Variants in SOX5 observed in about 807,000 individuals in gnomAD.
SOX5 encodes SRY-box transcription factor 5, also known as transcription factor SOX-5.
A neutral mutation model predicts 92.0 loss-of-function variants in SOX5; 9 were observed. That is an observed-to-expected ratio of 0.10 (90% CI 0.06 to 0.17). The LOEUF is 0.17. SOX5 is among the 10% of genes least tolerant of loss of function. The pLI, the probability that SOX5 is intolerant of heterozygous loss-of-function variation, is 1.00. For missense variants in SOX5, 642 were observed against 944.5 expected (o/e 0.68, Z 4.20); for synonymous variants, 344 against 336.3 (o/e 1.02, Z -0.25).
intron 1 of SOX5, among the ~76,000 whole-genome samples, chr12:24,428,380 G>A (rs1258301023): frequency 6.6e-6 from 1 of 151,962 alleles, no homozygotes; most frequent in African/African-American, 2.4e-5. Flanking sequence ...TAAATTCAAT[G>A]TGCCAACTAG....
chr12:24,354,107 A>C (rs554649321), intron 2 of SOX5, among the ~76,000 whole-genome samples: 1 of 152,204 alleles, frequency 6.6e-6, no homozygotes, highest in Admixed American at 6.5e-5. Context: ...GAAATTATAG[A>C]CTGTGAAAAA....
chr12:23,843,594 C>A (rs112452184), intron 3 of SOX5, among the ~76,000 whole-genome samples: 1 of 115,624 alleles, frequency 8.6e-6, no homozygotes, highest in Non-Finnish European at 1.7e-5. Context: ...GACAGAGTCT[C>A]GCTCTGTTGC....
At chr12:24,423,072 G>A (rs1484497984) in intron 1 of SOX5, among the ~76,000 whole-genome samples, 1 of 152,158 alleles carries the variant, frequency 6.6e-6, no homozygotes, top group Admixed American at 6.5e-5. Flanking sequence ...GTTTGAAAAT[G>A]TTATCTATAT....
At chr12:23,558,679 C>T (rs538840874) in intron 11 of SOX5, among the ~76,000 whole-genome samples, 42 of 152,288 alleles carry the variant, frequency 2.8e-4, no homozygotes, top group African/African-American at 9.4e-4. Context: ...CCTGGCTCAC[C>T]GCAACCTCTG....
At chr12:23,861,108 G>C (rs1231936570) in intron 2 of SOX5, among the ~76,000 whole-genome samples, 1 of 151,988 alleles carries the variant, frequency 6.6e-6, no homozygotes, top group Non-Finnish European at 1.5e-5. Context: ...GAAGACTAAA[G>C]CGTGACAAAA....
chr12:24,168,752 T>C (rs1480278240), intron 4 of SOX5, among the ~76,000 whole-genome samples: 3 of 152,210 alleles, frequency 2.0e-5, no homozygotes, highest in Non-Finnish European at 4.4e-5. Flanking sequence ...AGCCCCATCA[T>C]TGTATAAACC....
At chr12:24,202,538 T>G (rs571892643) in intron 4 of SOX5, among the ~76,000 whole-genome samples, 1 of 152,322 alleles carries the variant, frequency 6.6e-6, no homozygotes, top group South Asian at 2.1e-4. Flanking sequence ...TATCAACAAT[T>G]GACCCACTAA....
chr12:23,609,848 G>A (rs1184258575), intron 8 of SOX5, among the ~76,000 whole-genome samples: 1 of 152,024 alleles, frequency 6.6e-6, no homozygotes, highest in African/African-American at 2.4e-5. Context: ...ACCAACATAA[G>A]CTTGAATTGT....
At chr12:24,140,256 G>A (rs1211106901) in intron 4 of SOX5, among the ~76,000 whole-genome samples, 2 of 152,092 alleles carry the variant, frequency 1.3e-5, no homozygotes, top group East Asian at 1.9e-4. Context: ...GGGAGGGGTG[G>A]TGGTGTTAGT....
intron 3 of SOX5, among the ~76,000 whole-genome samples, chr12:23,765,055 A>G (rs568150680): frequency 6.6e-6 from 1 of 152,190 alleles, no homozygotes; most frequent in South Asian, 2.1e-4. Context: ...TTATATTTTT[A>G]TGTTCTAATA....
intron 3 of SOX5, among the ~76,000 whole-genome samples, chr12:24,254,637 T>A (rs1940816096): frequency 6.6e-6 from 1 of 151,906 alleles, no homozygotes; most frequent in Non-Finnish European, 1.5e-5. Context: ...ATGTATCACT[T>A]GGGTTATCAA....
At chr12:24,412,834 G>A (rs1032253346) in intron 1 of SOX5, among the ~76,000 whole-genome samples, 2 of 144,708 alleles carry the variant, frequency 1.4e-5, no homozygotes, top group South Asian at 2.2e-4. Context: ...GGCTCACTGC[G>A]AGCTCCGCCT....
At chr12:23,546,547 T>A in intron 11 of SOX5, 123 bp from the exon 12 acceptor site, 1 of 616,828 alleles carries the variant, frequency 1.6e-6, no homozygotes, top group South Asian at 2.0e-5. Flanking sequence ...TATATTCACC[T>A]TTTTACGTTC....
At chr12:23,902,835 C>G (rs938745382) in intron 1 of SOX5, among the ~76,000 whole-genome samples, 2 of 152,126 alleles carry the variant, frequency 1.3e-5, no homozygotes, top group African/African-American at 4.8e-5. Flanking sequence ...TTCTAATCCT[C>G]TACACCAAAT....
intron 3 of SOX5, among the ~76,000 whole-genome samples, chr12:23,778,167 G>A (rs563288014): frequency 1.2e-4 from 19 of 152,216 alleles, no homozygotes; most frequent in Admixed American, 5.9e-4. Context: ...ATGTGACTCC[G>A]TTGTATTTCT....
intron 4 of SOX5, among the ~76,000 whole-genome samples, chr12:24,179,388 A>G (rs958825401): frequency 2.0e-5 from 3 of 152,196 alleles, no homozygotes; most frequent in African/African-American, 7.2e-5. Context: ...AATAGAAATC[A>G]TACTTTGAAT....
At chr12:23,684,241 C>T (rs1388078287) in intron 6 of SOX5, among the ~76,000 whole-genome samples, 8 of 151,988 alleles carry the variant, frequency 5.3e-5, no homozygotes, top group South Asian at 4.1e-4. Context: ...AACCTAATGA[C>T]GGTTCCTTTG....
intron 6 of SOX5, among the ~76,000 whole-genome samples, chr12:23,668,382 T>C (rs1023979100): frequency 6.6e-6 from 1 of 152,150 alleles, no homozygotes; most frequent in African/African-American, 2.4e-5. Context: ...TTATAGACCA[T>C]AACACATATA....
chr12:23,772,020 T>C (rs893971715), intron 3 of SOX5, among the ~76,000 whole-genome samples: 2 of 152,170 alleles, frequency 1.3e-5, no homozygotes, highest in African/African-American at 4.8e-5. Flanking sequence ...TCTCTCAAAG[T>C]TCAAGAAGAC....
Sources: gnomAD v4.1 joint callset for allele counts (sites outside exome capture counted in the v4.1 genomes callset) on GRCh38, gnomAD v4.1.1 for gene constraint, MANE v1.5 for transcripts, NCBI Gene and HGNC (gene_info 2026-07-23, HGNC 2026-07-21) for gene names.